Variants in RBFOX1 observed in about 807,000 individuals in gnomAD.
RBFOX1 encodes the protein RNA binding protein fox-1 homolog 1.
Under a neutral mutation model 57.7 loss-of-function variants are expected in RBFOX1, and 8 were observed. The observed-to-expected ratio is 0.14, with a 90% CI of 0.08 to 0.25. The LOEUF (loss-of-function observed/expected upper bound fraction) is 0.25, where lower values mean the gene tolerates loss of function less well. Ranked by LOEUF, RBFOX1 falls within the 10% of genes least tolerant of loss-of-function variation. The pLI is 1.00. For synonymous variants in RBFOX1, 326 were observed against 222.4 expected (o/e 1.47, Z -4.15); for missense variants, 611 against 548.5 (o/e 1.11, Z -1.14).
chr16:5,530,100 C>G (rs114773220), intron 2 of RBFOX1, among the ~76,000 whole-genome samples: 191 of 152,248 alleles, frequency 1.3e-3, no homozygotes, highest in African/African-American at 4.4e-3. Flanking sequence ...TTAAGCCACT[C>G]AGGCTATGGC....
intron 1 of RBFOX1, among the ~76,000 whole-genome samples, chr16:6,220,279 T>C (rs936000868): frequency 6.6e-6 from 1 of 152,130 alleles, no homozygotes; most frequent in Non-Finnish European, 1.5e-5. Flanking sequence ...TACATTTACT[T>C]TCTTGAATTG....
In RBFOX1 at chr16:7,195,073, C is replaced by G. The variant is rs933986443; in HGVS notation, c.27+142975C>G. Among the ~76,000 whole-genome samples the G allele has an allele frequency of 2.6e-5, 4 of 151,956 alleles. No homozygotes were observed. The South Asian group carries it at 8.3e-4, about 31-fold the overall frequency. On this transcript the variant is annotated intron_variant, in intron 4 of 15. Transcript: ENST00000550418. ...CAACAAAACTTTAAAAAATTATACTCTCTGAATTTTAATAAAGAGCTCTTC... is the reference window on the plus strand; with the variant it reads ...CAACAAAACTTTAAAAAATTATACTGTCTGAATTTTAATAAAGAGCTCTTC...
intron 3 of RBFOX1, among the ~76,000 whole-genome samples, chr16:7,040,643 T>C (rs2045855527): frequency 6.6e-6 from 1 of 152,190 alleles, no homozygotes; most frequent in Non-Finnish European, 1.5e-5. Context: ...TTCCAGACTT[T>C]TTTCCAGGTA....
chr16:7,056,222 G>A (rs577406710), intron 4 of RBFOX1, among the ~76,000 whole-genome samples: 1 of 152,070 alleles, frequency 6.6e-6, no homozygotes, highest in Non-Finnish European at 1.5e-5. Flanking sequence ...CCAACAGTAG[G>A]GTCACTCTTC....
intron 12 of RBFOX1, 162 bp from the exon 13 acceptor site, chr16:7,664,767 A>G: frequency 1.5e-6 from 2 of 1,295,594 alleles, no homozygotes; most frequent in Non-Finnish European, 1.1e-6. Flanking sequence ...GGTTTGCTCA[A>G]CTGCCGTTGT....
chr16:6,043,384 A>C (rs992456775), intron 1 of RBFOX1, among the ~76,000 whole-genome samples: 3 of 152,156 alleles, frequency 2.0e-5, no homozygotes, highest in Non-Finnish European at 4.4e-5. Flanking sequence ...AAATATGTCA[A>C]AGAAACATTT....
intron 14 of RBFOX1, among the ~76,000 whole-genome samples, chr16:7,694,242 CTG>C (rs1299308407): frequency 1.3e-5 from 2 of 152,182 alleles, no homozygotes; most frequent in African/African-American, 4.8e-5. Context: ...CACTACATAA[CTG>C]AGCATCCCAT....
intron 1 of RBFOX1, among the ~76,000 whole-genome samples, chr16:6,242,477 C>G (rs1283158240): frequency 1.3e-5 from 2 of 151,976 alleles, no homozygotes; most frequent in African/African-American, 4.8e-5. Context: ...AATCCTCCCA[C>G]TTAGGCCTCC....
intron 3 of RBFOX1, among the ~76,000 whole-genome samples, chr16:5,667,367 C>G (rs1190420345): frequency 3.3e-5 from 5 of 152,204 alleles, no homozygotes; most frequent in African/African-American, 1.2e-4. Context: ...CACGTTTGCT[C>G]TATGGCACAT....
chr16:6,062,037 A>T (rs148799193), intron 1 of RBFOX1, among the ~76,000 whole-genome samples: 8 of 152,170 alleles, frequency 5.3e-5, no homozygotes, highest in Non-Finnish European at 8.8e-5. Flanking sequence ...ACTCAGGAAA[A>T]CACTGACGTG....
intron 4 of RBFOX1, among the ~76,000 whole-genome samples, chr16:7,093,026 G>C (rs1420289968): frequency 6.6e-6 from 1 of 152,192 alleles, no homozygotes; most frequent in African/African-American, 2.4e-5. Flanking sequence ...TTTGGAGAGA[G>C]AAATTTTCGT....
chr16:5,261,708 C>T (rs1040263165), intron 1 of RBFOX1, among the ~76,000 whole-genome samples: 1 of 152,066 alleles, frequency 6.6e-6, no homozygotes, highest in Non-Finnish European at 1.5e-5. Flanking sequence ...TGCCACCATG[C>T]CTGGCTAATT....
intron 3 of RBFOX1, among the ~76,000 whole-genome samples, chr16:6,977,790 C>T (rs1035455051): frequency 1.1e-4 from 17 of 152,000 alleles, no homozygotes; most frequent in African/African-American, 3.6e-4. Context: ...CATCTTATCC[C>T]GTAGTCAGTG....
rs148326290 is a variant in RBFOX1, at chr16:7,653,747, T to C, written c.758-68T>C. The C allele has an allele frequency of 9.5e-4, 1,515 of 1,595,438 alleles. 12 individuals carry two copies. In the Middle Eastern group the frequency reaches 0.01, roughly 11 times the overall value. On this transcript the variant is annotated intron_variant, in intron 11 of 15. Transcript: ENST00000550418. ...GCAGGGACAAGGGTTCCCGGGGCAGTTCCCTCCACAGCAGGGTGTGCATCT... is the reference window on the plus strand; with the variant it reads ...GCAGGGACAAGGGTTCCCGGGGCAGCTCCCTCCACAGCAGGGTGTGCATCT...
chr16:6,988,140 G>GA (rs1452131757), intron 3 of RBFOX1, among the ~76,000 whole-genome samples: 1 of 152,114 alleles, frequency 6.6e-6, no homozygotes, highest in Admixed American at 6.5e-5. Context: ...ACATAAAAAA[G>GA]AAAACGCATT....
At chr16:5,358,569 A>G (rs1443106081) in intron 1 of RBFOX1, among the ~76,000 whole-genome samples, 1 of 152,178 alleles carries the variant, frequency 6.6e-6, no homozygotes, top group African/African-American at 2.4e-5. Flanking sequence ...TGCACCTGTA[A>G]TCCCAGCAGT....
chr16:7,195,628 A>T (rs1395822405), intron 4 of RBFOX1, among the ~76,000 whole-genome samples: 2 of 151,894 alleles, frequency 1.3e-5, no homozygotes, highest in African/African-American at 4.8e-5. Flanking sequence ...TGGGATCTCA[A>T]CTCACTGCAA....
intron 4 of RBFOX1, among the ~76,000 whole-genome samples, chr16:7,388,644 C>CTTTTTTTTTTT (rs61629644): frequency 1.1e-5 from 1 of 92,608 alleles, no homozygotes; most frequent in Non-Finnish European, 2.0e-5. Flanking sequence ...GTTTCACTTA[C>CTTTTTTTTTTT]TTTTTTTTTT....
intron 4 of RBFOX1, among the ~76,000 whole-genome samples, chr16:7,254,586 C>G (rs1256547447): frequency 6.6e-6 from 1 of 151,964 alleles, no homozygotes; most frequent in Non-Finnish European, 1.5e-5. Flanking sequence ...CAAAGGACCT[C>G]CCAGGTATAT....
Sources: gnomAD v4.1 joint callset for allele counts (sites outside exome capture counted in the v4.1 genomes callset) on GRCh38, gnomAD v4.1.1 for gene constraint, MANE v1.5 for transcripts, NCBI Gene and HGNC (gene_info 2026-07-23, HGNC 2026-07-21) for gene names.